RASL10A: variants seen among roughly 807,000 people sequenced by gnomAD.
RASL10A encodes the protein ras-like protein family member 10A.
RASL10A carries 13 observed loss-of-function variants against 17.3 expected under a neutral mutation model. The ratio of observed to expected loss-of-function variants is 0.75; its 90% CI spans 0.49 to 1.20. The LOEUF (loss-of-function observed/expected upper bound fraction) is 1.20. Ranked by LOEUF, RASL10A falls within the 50% of genes most tolerant of loss-of-function variation. RASL10A has a pLI of 0.00. For missense variants in RASL10A, 307 were observed against 310.3 expected (o/e 0.99, Z 0.08); for synonymous variants, 159 against 142.2 (o/e 1.12, Z -0.84).
At chr22:29,314,179 C>T (rs2061439020) in intron 1 of RASL10A, 192 bp from the exon 2 acceptor site, 1 of 659,450 alleles carries the variant, frequency 1.5e-6, no homozygotes, top group Non-Finnish European at 2.5e-6. Flanking sequence ...TGCCTGGAGC[C>T]TGTCAGCCAG....
At chr22:29,314,087 C>T in intron 1 of RASL10A, 100 bp from the exon 2 acceptor site, 1 of 1,490,834 alleles carries the variant, frequency 6.7e-7, no homozygotes, top group Non-Finnish European at 9.0e-7. Flanking sequence ...GCCAACATCA[C>T]CCCCATACAG....
At chr22:29,314,077 G>A in intron 1 of RASL10A, 90 bp from the exon 2 acceptor site, 1 of 1,543,948 alleles carries the variant, frequency 6.5e-7, no homozygotes, top group Non-Finnish European at 8.7e-7. Flanking sequence ...TAATCCTCAG[G>A]CCAACATCAC....
chr22:29,313,071 G>GAGGTCCCAGAA lies in RASL10A; in HGVS notation c.*219_*229dup. The GAGGTCCCAGAA allele has an allele frequency of 4.2e-6, 2 of 478,202 alleles. No individual in the cohort carries two copies. The highest frequency in any genetic ancestry group is 7.1e-6 in the Non-Finnish European group (2 of 281,318). The allele number at this position is 478,202 out of a possible 1,614,324, so 29.6% of individuals were successfully genotyped here. On this transcript the variant is annotated 3_prime_UTR_variant, in exon 3 of 3. Transcript: ENST00000216101. ...CCATCCAATGGGATTGTGACCCATT[G>GAGGTCCCAGAA]AGGTCCCAGAAAGGACTGGTCATCT...
intron 2 of RASL10A, 85 bp from the exon 3 acceptor site, chr22:29,313,653 C>T (rs973762099): frequency 7.0e-7 from 1 of 1,435,822 alleles, no homozygotes; most frequent in Non-Finnish European, 9.1e-7. Context: ...GGCGCATTCC[C>T]TTCCTACGGC....
upstream of RASL10A, among the ~76,000 whole-genome samples, chr22:29,317,566 C>T (rs1264136924): frequency 2.6e-5 from 4 of 152,164 alleles, no homozygotes; most frequent in East Asian, 5.8e-4. Flanking sequence ...ACTTTTCAGG[C>T]TTCTGGGTTT....
upstream of RASL10A, among the ~76,000 whole-genome samples, chr22:29,316,016 G>T (rs1040191058): frequency 1.3e-5 from 2 of 152,074 alleles, no homozygotes; most frequent in South Asian, 2.1e-4. Context: ...GTCCGAATTG[G>T]GGGGGGCGGC....
At position 29,313,119 on chromosome 22, in the gene RASL10A, T is replaced by G; in HGVS notation, c.*182A>C. 1.4e-6 allele frequency: 1 copy of G among 719,958 alleles called. No homozygotes were observed. The highest frequency in any genetic ancestry group is 3.0e-5 in the South Asian group (1 of 33,406). 44.6% of individuals were successfully genotyped at this position (719,958 alleles called of 1,614,324 possible). On this transcript the variant is annotated 3_prime_UTR_variant, in exon 3 of 3. Transcript: ENST00000216101. ...TCTCCAATGGAGCTTGGGACCTGGT[T>G]GGGTCCAATGAGGTTCAAAAGGGGG...
intron 1 of RASL10A, chr22:29,314,224 C>G (rs926560692): frequency 2.0e-6 from 1 of 501,852 alleles, no homozygotes; most frequent in Non-Finnish European, 3.5e-6. Context: ...CTGTTTACCC[C>G]GAATCTTCCT....
Position 29,315,069 on chromosome 22 carries a change from C to T in RASL10A, c.178G>A (p.Gly60Ser), listed in dbSNP as rs2061444956. 7 of 1,519,546 alleles carry T rather than the reference C, an allele frequency of 4.6e-6. No individual in the cohort carries two copies. The highest frequency in any genetic ancestry group is 8.8e-7 in the Non-Finnish European group (1 of 1,137,528). 94.1% of individuals were successfully genotyped at this position (1,519,546 alleles called of 1,614,324 possible). Residue 60 changes from glycine (G) to serine (S), a missense_variant, in exon 1 of 3, where the codon GGC (glycine) becomes AGC (serine). Coordinates refer to ENST00000216101, the MANE Select transcript of RASL10A (RefSeq NM_006477.5). This position sits in a 1 kb window ranked among gnomAD's most constrained non-coding sequence, Gnocchi z 5.5. Reference protein sequence around the residue: ...GAVYDLSIRDGDVAGPGSSPG... With the variant: ...GAVYDLSIRDSDVAGPGSSPG... ...CTCGAGCCGGGGCCAGCGACGTCGC[C>T]GTCGCGGATGCTCAAGTCGTAGACG...
chr22:29,315,926 C>T (rs184756381), upstream of RASL10A, among the ~76,000 whole-genome samples: 1 of 152,356 alleles, frequency 6.6e-6, no homozygotes, highest in Admixed American at 6.5e-5. This position sits in a 1 kb window ranked among gnomAD's most constrained non-coding sequence, Gnocchi z 5.5. Flanking sequence ...CCACCCACTG[C>T]CGCGGCCGCT....
upstream of RASL10A, chr22:29,319,524 G>A (rs536078759): frequency 6.6e-6 from 1 of 152,412 alleles, no homozygotes; most frequent in East Asian, 1.9e-4. Context: ...CCTCCTTCCA[G>A]GGCTGTGTCA....
chr22:29,315,111 C>A lies in RASL10A; in HGVS notation c.136G>T (p.Val46Leu). 6.5e-7 allele frequency: 1 copy of A among 1,530,852 alleles called. No individual in the cohort carries two copies. Among genetic ancestry groups the A allele is most frequent in the Non-Finnish European group, 8.7e-7 (1 of 1,143,020 alleles). 94.8% of individuals were successfully genotyped at this position (1,530,852 alleles called of 1,614,324 possible). The change falls in exon 1 of 3, where the codon GTG becomes TTG. Residue 46 changes from valine (V) to leucine (L), a missense_variant. Val to Leu is a conservative substitution (Grantham distance 32). Coordinates refer to ENST00000216101, the MANE Select transcript of RASL10A (RefSeq NM_006477.5). This position sits in a 1 kb window ranked among gnomAD's most constrained non-coding sequence, Gnocchi z 5.5. ...TCGTAGACGGCGCCGTCGAGCAGCA[C>A]CGCGGGTCGGTAGAGGCGCGGCCCG... ...TDGPRLYRPA[V>L]LLDGAVYDLS...
rs2061447428 is a variant in RASL10A, at chr22:29,315,332, G to T, written c.-86C>A. The T allele has an allele frequency of 1.1e-6, 1 of 929,228 alleles. No homozygotes were observed. The highest frequency in any genetic ancestry group is 1.4e-6 in the Non-Finnish European group (1 of 721,216). 57.6% of individuals were successfully genotyped at this position (929,228 alleles called of 1,614,324 possible). On this transcript the variant is annotated 5_prime_UTR_variant, in exon 1 of 3. Coordinates refer to ENST00000216101, the MANE Select transcript of RASL10A (RefSeq NM_006477.5). The surrounding 1 kb of genome is among the most constrained non-coding windows in gnomAD (Gnocchi z 5.5). ...CGCCCCCAGGCCGTGCGCCCCGCGC[G>T]CCCTGCCCGGTGCGCCACGGCCCCG... is the stretch of plus-strand genomic sequence containing the variant.
At chr22:29,314,149 GGGTAAAATTT>G in intron 1 of RASL10A, 162 bp from the exon 2 acceptor site, 1 of 977,914 alleles carries the variant, frequency 1.0e-6, no homozygotes, top group Non-Finnish European at 1.5e-6. Flanking sequence ...ATGACCACCA[GGGTAAAATTT>G]TCCAAATCGT....
At chr22:29,313,674 G>T in intron 2 of RASL10A, 106 bp from the exon 3 acceptor site, 1 of 1,388,432 alleles carries the variant, frequency 7.2e-7, no homozygotes. Context: ...CAGAGACACC[G>T]CCCCCCCCGC....
chr22:29,316,484 GT>G (rs2061454782), upstream of RASL10A, among the ~76,000 whole-genome samples: 1 of 152,178 alleles, frequency 6.6e-6, no homozygotes, highest in Non-Finnish European at 1.5e-5. Context: ...CCTTTCCTGC[GT>G]GAGTTGCAAC....
In RASL10A at chr22:29,315,338, C is replaced by T; in HGVS notation, c.-92G>A. ...CAGGCCGTGCGCCCCGCGCGCCCTG[C>T]CCGGTGCGCCACGGCCCCGTCGCGC... On this transcript the variant is annotated 5_prime_UTR_variant, in exon 1 of 3. Transcript: ENST00000216101. The surrounding 1 kb of genome is among the most constrained non-coding windows in gnomAD (Gnocchi z 5.5). 1 of 843,154 alleles carries T rather than the reference C, an allele frequency of 1.2e-6. No individual in the cohort carries two copies. Among genetic ancestry groups the T allele is most frequent in the Non-Finnish European group, 1.6e-6 (1 of 644,628 alleles). The allele number at this position is 843,154 out of a possible 1,614,324, so 52.2% of individuals were successfully genotyped here.
rs780460047 is a variant in RASL10A at position 29,313,875 on chromosome 22, A to ATGCGC, written c.327_331dup (p.Ile111SerfsTer19). ...GCCGGGCCCCTACCTGGTCTCCGCG[A>ATGCGC]TGCGCTGCCGCAGGGCCTTCACGTA... On this transcript the variant is annotated frameshift_variant, in exon 2 of 3. Transcript: ENST00000216101. LOFTEE classifies it high-confidence loss of function. The ATGCGC allele has an allele frequency of 7.1e-5, 115 of 1,613,494 alleles. No homozygotes were observed. Among genetic ancestry groups the ATGCGC allele is most frequent in the Non-Finnish European group, 1.1e-5 (13 of 1,180,018 alleles).
chr22:29,314,640 G>A (rs1320132816), intron 1 of RASL10A, among the ~76,000 whole-genome samples: 3 of 152,012 alleles, frequency 2.0e-5, no homozygotes, highest in African/African-American at 7.3e-5. Context: ...ACCAGCCCCC[G>A]TAGAAAGTAC....
Sources: gnomAD v4.1 joint callset for allele counts (sites outside exome capture counted in the v4.1 genomes callset) on GRCh38, gnomAD v4.1.1 for gene constraint, Gnocchi (gnomAD v3.1) non-coding constraint, MANE v1.5 for transcripts, NCBI Gene and HGNC (gene_info 2026-07-23, HGNC 2026-07-21) for gene names.